Variants in ANKAR observed in about 807,000 individuals in gnomAD.
ANKAR encodes the protein ankyrin and armadillo repeat containing.
A neutral mutation model predicts 146.2 loss-of-function variants in ANKAR; 136 were observed. That is an observed-to-expected ratio of 0.93 (90% CI 0.81 to 1.07). The LOEUF (loss-of-function observed/expected upper bound fraction) is 1.07. Ranked by LOEUF, ANKAR falls within the 50% of genes least tolerant of loss-of-function variation. The pLI, the probability that ANKAR is intolerant of heterozygous loss-of-function variation, is 0.00. For synonymous variants in ANKAR, 500 were observed against 575.8 expected, an observed-to-expected ratio of 0.87 and a Z score of 1.88; for missense variants, 1,567 against 1,679.9, an observed-to-expected ratio of 0.93 and a Z score of 1.18.
At chr2:189,679,701 T>C (rs908294262) in intron 2 of ANKAR, among the ~76,000 whole-genome samples, 1 of 152,236 alleles carries the variant, frequency 6.6e-6, no homozygotes, top group African/African-American at 2.4e-5. Flanking sequence ...AAATGCTTTT[T>C]CTGCATCTAT....
chr2:189,758,942 A>C (rs2046524971), intron 18 of ANKAR, among the ~76,000 whole-genome samples: 1 of 152,254 alleles, frequency 6.6e-6, no homozygotes, highest in South Asian at 2.1e-4. Context: ...TCAAAAGTTC[A>C]GTGCACTCAG....
chr2:189,724,340 C>T (rs1214704422), intron 12 of ANKAR, among the ~76,000 whole-genome samples: 1 of 152,304 alleles, frequency 6.6e-6, no homozygotes, highest in East Asian at 1.9e-4. Context: ...GACTCTCTAT[C>T]ACCTAGGATA....
chr2:189,719,449 T>TTA, intron 10 of ANKAR, 123 bp from the exon 11 acceptor site: 1 of 718,640 alleles, frequency 1.4e-6, no homozygotes, highest in Non-Finnish European at 1.9e-6. Flanking sequence ...TTTTATAGAA[T>TTA]TATTTCATAA....
chr2:189,716,349 A>G lies in ANKAR; in HGVS notation c.2225-3223A>G, dbSNP rs190435027. Among the ~76,000 whole-genome samples, 1,132 of 152,336 alleles carry G rather than the reference A, an allele frequency of 7.4e-3. 7 individuals are homozygous for G. Among genetic ancestry groups the G allele is most frequent in the Non-Finnish European group, 0.013 (896 of 68,038 alleles). ...GAACTCCCATTCACAATTGCTACAA[A>G]GAGAGTAAAATACCTAGGAATCCAA... On this transcript the variant is annotated intron_variant, in intron 10 of 22. Transcript: ENST00000684021.
chr2:189,701,517 G>A (rs2038050263), intron 7 of ANKAR, among the ~76,000 whole-genome samples: 1 of 152,236 alleles, frequency 6.6e-6, no homozygotes, highest in Non-Finnish European at 1.5e-5. Context: ...TTACAGGAGT[G>A]AGCCACTGTG....
rs543460540 is a variant in ANKAR at position 189,744,990 on chromosome 2, T to TCTACTACTA, written c.4057+233_4057+241dup. Among the ~76,000 whole-genome samples, 7 of 112,400 alleles carry TCTACTACTA rather than the reference T, an allele frequency of 6.2e-5. 1 individual carries two copies. The highest frequency in any genetic ancestry group is 2.9e-4 in the South Asian group (1 of 3,468). The allele number at this position is 112,400 out of a possible 152,430, so 73.7% of individuals were successfully genotyped here. On this transcript the variant is annotated intron_variant, in intron 22 of 22. Coordinates refer to ENST00000684021, the MANE Select transcript of ANKAR (RefSeq NM_001378068.1). The stretch of plus-strand genomic sequence containing the variant: ...CTAGCCAATATGGTGAAACCCCATC[T>TCTACTACTA]CTACTACTACTACTACTACTACTAC...
intron 2 of ANKAR, among the ~76,000 whole-genome samples, chr2:189,681,262 G>T (rs1402372718): frequency 5.9e-5 from 9 of 152,216 alleles, no homozygotes; most frequent in Admixed American, 5.2e-4. Flanking sequence ...AGAGCCTTTG[G>T]ATCATCCAGT....
At chr2:189,689,465 A>G in intron 2 of ANKAR, 62 bp from the exon 3 acceptor site, 1 of 1,348,482 alleles carries the variant, frequency 7.4e-7, no homozygotes, top group Non-Finnish European at 1.0e-6. Flanking sequence ...AATCTTCTGT[A>G]TTTATCCAGA....
chr2:189,706,024 T>G (rs1276064828), intron 8 of ANKAR, among the ~76,000 whole-genome samples: 1 of 151,208 alleles, frequency 6.6e-6, no homozygotes. Flanking sequence ...TTGTTGCTCT[T>G]AACATGTGGA....
intron 10 of ANKAR, among the ~76,000 whole-genome samples, chr2:189,713,434 A>G (rs2039981513): frequency 6.6e-6 from 1 of 152,236 alleles, no homozygotes; most frequent in African/African-American, 2.4e-5. Context: ...TAGAAAATCT[A>G]CAAGCCAGAA....
chr2:189,705,005 A>G lies in ANKAR; in HGVS notation c.1709-18A>G, dbSNP rs755795426. Reference sequence around the variant, plus strand: ...TGGTAGTGCTGTGATCACTGAAGTAATTGTCCATCCATTCTAGGTCCAACA... The same window carrying G: ...TGGTAGTGCTGTGATCACTGAAGTAGTTGTCCATCCATTCTAGGTCCAACA... On this transcript the variant is annotated intron_variant, in intron 7 of 22. Transcript: ENST00000684021. The G allele has an allele frequency of 6.2e-7, 1 of 1,611,930 alleles. No individual in the cohort carries two copies. Among genetic ancestry groups the G allele is most frequent in the East Asian group, 2.2e-5 (1 of 44,840 alleles).
intron 5 of ANKAR, among the ~76,000 whole-genome samples, 181 bp downstream of exon 5, chr2:189,693,358 T>G (rs1436552457): frequency 2.0e-5 from 3 of 152,206 alleles, no homozygotes; most frequent in Non-Finnish European, 4.4e-5. Context: ...TATTACTTCA[T>G]GTATTTGATA....
In ANKAR at chr2:189,694,964, T is replaced by C; in HGVS notation, c.1308-17T>C. Reference sequence around the variant, plus strand: ...TCAAAGTTAGAGAAACATCTTTTTTTTCTTTATTTTTTATAGCTACTATGT... The same window carrying C: ...TCAAAGTTAGAGAAACATCTTTTTTCTCTTTATTTTTTATAGCTACTATGT... On this transcript the variant is annotated splice_polypyrimidine_tract_variant and intron_variant, in intron 5 of 22. Coordinates refer to ENST00000684021, the MANE Select transcript of ANKAR (RefSeq NM_001378068.1). The C allele has an allele frequency of 7.1e-7, 1 of 1,403,974 alleles. No homozygotes were observed. The highest frequency in any genetic ancestry group is 1.4e-5 in the African/African-American group (1 of 69,578). 87.0% of individuals were successfully genotyped at this position (1,403,974 alleles called of 1,614,324 possible). A position where few individuals can be genotyped will look rare whatever the true frequency, so the allele number is the denominator to read the frequency against.
intron 18 of ANKAR, chr2:189,753,983 T>C (rs764954925): frequency 1.2e-6 from 2 of 1,613,842 alleles, no homozygotes; most frequent in Admixed American, 1.7e-5. Context: ...ATGTGTTCTT[T>C]TCACAAGATG....
At chr2:189,747,482 CATGAGT>C (rs1450420670), downstream of ANKAR, among the ~76,000 whole-genome samples, 1 of 151,806 alleles carries the variant, frequency 6.6e-6, no homozygotes, top group African/African-American at 2.4e-5. Flanking sequence ...CCATCAAGTA[CATGAGT>C]ATGGCTTTTG....
intron 7 of ANKAR, among the ~76,000 whole-genome samples, chr2:189,701,126 T>G (rs2037994104): frequency 6.6e-6 from 1 of 152,252 alleles, no homozygotes; most frequent in Non-Finnish European, 1.5e-5. Context: ...TGGTTTGATA[T>G]GTCACATTAA....
At position 189,676,784 on chromosome 2, in the gene ANKAR, AGAGG is replaced by A. The variant is rs1335670259; in HGVS notation, c.295_298del (p.Glu99SerfsTer4). The A allele has an allele frequency of 6.2e-7, 1 of 1,614,186 alleles. No homozygotes were observed. The highest frequency in any genetic ancestry group is 1.1e-5 in the South Asian group (1 of 91,082). ...ACCCTACTGCCCTCTTAGACTATAGAGAGGTCCATCAAATGATAAGAGAGTTGGC... is the reference window on the plus strand; with the variant it reads ...ACCCTACTGCCCTCTTAGACTATAGATCCATCAAATGATAAGAGAGTTGGC... On this transcript the variant is annotated frameshift_variant, in exon 2 of 23. Coordinates refer to ENST00000684021, the MANE Select transcript of ANKAR (RefSeq NM_001378068.1). LOFTEE classifies it high-confidence loss of function.
intron 18 of ANKAR, chr2:189,754,028 T>C (rs2045688648): frequency 1.2e-6 from 2 of 1,613,516 alleles, no homozygotes; most frequent in Non-Finnish European, 1.7e-6. Flanking sequence ...GGCAGCAATG[T>C]CTGCTGCTGA....
At chr2:189,679,363 A>G (rs1483209764) in intron 2 of ANKAR, among the ~76,000 whole-genome samples, 1 of 152,152 alleles carries the variant, frequency 6.6e-6, no homozygotes, top group Non-Finnish European at 1.5e-5. Context: ...AGGTTTTTAG[A>G]TGAATCCTTA....
Sources: gnomAD v4.1 joint callset for allele counts (sites outside exome capture counted in the v4.1 genomes callset) on GRCh38, gnomAD v4.1.1 for gene constraint, MANE v1.5 for transcripts, NCBI Gene and HGNC (gene_info 2026-07-23, HGNC 2026-07-21) for gene names.